Variants in HPSE2 observed in about 807,000 individuals in gnomAD.
HPSE2 encodes the protein heparanase 2 (inactive).
Under a neutral mutation model 60.5 loss-of-function variants are expected in HPSE2, and 38 were observed. That is an observed-to-expected ratio of 0.63 (90% CI 0.48 to 0.82). HPSE2 has a LOEUF of 0.82. HPSE2 is among the 40% of genes least tolerant of loss of function. The pLI is 0.00. For synonymous variants in HPSE2, 295 were observed against 293.2 expected (o/e 1.01, Z -0.06); for missense variants, 713 against 740.4 (o/e 0.96, Z 0.43).
intron 3 of HPSE2, among the ~76,000 whole-genome samples, chr10:98,838,989 G>A (rs949259115): frequency 6.6e-6 from 1 of 152,142 alleles, no homozygotes; most frequent in Non-Finnish European, 1.5e-5. Context: ...AAACCATCTA[G>A]AGAAGTTAAT....
chr10:98,508,128 CACAG>C (rs903018812), intron 9 of HPSE2, among the ~76,000 whole-genome samples: 3 of 152,036 alleles, frequency 2.0e-5, no homozygotes, highest in African/African-American at 4.8e-5. Context: ...CAAAGAGAGA[CACAG>C]ACAGACATTC....
chr10:98,533,647 G>T (rs897289942), intron 9 of HPSE2, among the ~76,000 whole-genome samples: 2 of 152,150 alleles, frequency 1.3e-5, no homozygotes, highest in Admixed American at 1.3e-4. Context: ...GGGGTCAGCT[G>T]AGGAAGACTA....
chr10:99,198,117 A>C (rs1848462531), intron 2 of HPSE2, among the ~76,000 whole-genome samples: 1 of 152,072 alleles, frequency 6.6e-6, no homozygotes, highest in Non-Finnish European at 1.5e-5. Flanking sequence ...ATTTATTACC[A>C]GCTAATAAGA....
At chr10:98,985,104 A>T (rs1435312666) in intron 3 of HPSE2, among the ~76,000 whole-genome samples, 2 of 152,216 alleles carry the variant, frequency 1.3e-5, no homozygotes, top group Non-Finnish European at 2.9e-5. Context: ...CAATCTAGCA[A>T]GGCACGCCAA....
intron 9 of HPSE2, among the ~76,000 whole-genome samples, chr10:98,596,082 G>C (rs916157137): frequency 6.6e-6 from 1 of 152,012 alleles, no homozygotes; most frequent in Non-Finnish European, 1.5e-5. Flanking sequence ...TCCTTTTAAC[G>C]TGCTGTTGAA....
At chr10:99,006,044 G>C (rs906382809) in intron 3 of HPSE2, among the ~76,000 whole-genome samples, 8 of 152,170 alleles carry the variant, frequency 5.3e-5, no homozygotes, top group African/African-American at 1.4e-4. Flanking sequence ...CTAGGTCACA[G>C]AGGGTAGGCC....
At chr10:98,860,423 T>C (rs1160793220) in intron 3 of HPSE2, among the ~76,000 whole-genome samples, 1 of 152,164 alleles carries the variant, frequency 6.6e-6, no homozygotes, top group Admixed American at 6.6e-5. Context: ...CAGTTTGGAA[T>C]ACCTCTCCCC....
chr10:98,743,827 C>A (rs1949560054), intron 4 of HPSE2, 56 bp downstream of exon 4: 1 of 1,509,280 alleles, frequency 6.6e-7, no homozygotes, highest in Non-Finnish European at 9.2e-7. Context: ...TATCACAAGC[C>A]AACTTATTTT....
chr10:98,695,515 T>G (rs925493867), intron 5 of HPSE2, among the ~76,000 whole-genome samples: 2 of 152,140 alleles, frequency 1.3e-5, no homozygotes, highest in African/African-American at 4.8e-5. Context: ...CATTCACATG[T>G]TATTTCTTAT....
rs147067977 is a variant in HPSE2 at position 98,651,604 on chromosome 10, T to C, written c.1005-9664A>G. On this transcript the variant is annotated intron_variant, in intron 6 of 11. Transcript: ENST00000370552. Reference sequence around the variant, plus strand: ...CCTCCAATCTCCTACAAATTCACTTTGGTTATCTAACCAAAAAGAGTCTGA... The same window carrying C: ...CCTCCAATCTCCTACAAATTCACTTCGGTTATCTAACCAAAAAGAGTCTGA... Among the ~76,000 whole-genome samples, 271 of 152,258 alleles carry C rather than the reference T, an allele frequency of 1.8e-3. 3 individuals are homozygous for C. The highest frequency in any genetic ancestry group is 6.4e-3 in the African/African-American group (266 of 41,550).
intron 11 of HPSE2, 46 bp from the exon 12 acceptor site, chr10:98,459,785 G>A (rs1940205305): frequency 1.3e-6 from 2 of 1,564,230 alleles, no homozygotes; most frequent in Non-Finnish European, 8.7e-7. Context: ...GCATTATAAG[G>A]GAGCCACTGC....
At chr10:99,096,356 G>C (rs1168449223) in intron 3 of HPSE2, among the ~76,000 whole-genome samples, 1 of 152,140 alleles carries the variant, frequency 6.6e-6, no homozygotes, top group Non-Finnish European at 1.5e-5. Context: ...TCAATACCAT[G>C]TACTGGGCAC....
intron 3 of HPSE2, among the ~76,000 whole-genome samples, chr10:98,886,409 A>T (rs1003143208): frequency 2.4e-4 from 37 of 152,144 alleles, no homozygotes; most frequent in African/African-American, 8.7e-4. Context: ...GTTCACAAAA[A>T]TTTACAGTGC....
chr10:99,256,304 G>C, the HPSE2 span, among the ~76,000 whole-genome samples: 3 of 147,946 alleles, frequency 2.0e-5, no homozygotes, highest in Non-Finnish European at 4.5e-5. Flanking sequence ...TTATAAAAAG[G>C]CTTGAGCCTG....
rs191174366 is a variant in HPSE2, at chr10:98,466,597, T to C, written c.1614-6858A>G. On this transcript the variant is annotated intron_variant, in intron 11 of 11. Coordinates refer to ENST00000370552, the MANE Select transcript of HPSE2 (RefSeq NM_021828.5). Reference sequence around the variant, plus strand: ...CTGCACTCCAGCATAGGTGACAGAGTGAGACTCCGTCTCAAAAAAAAAAAA... The same window carrying C: ...CTGCACTCCAGCATAGGTGACAGAGCGAGACTCCGTCTCAAAAAAAAAAAA... Among the ~76,000 whole-genome samples, 296 of 139,878 alleles carry C rather than the reference T, an allele frequency of 2.1e-3. 1 individual carries two copies. The highest frequency in any genetic ancestry group is 7.2e-3 in the African/African-American group (259 of 36,108). The allele number at this position is 139,878 out of a possible 152,430, so 91.8% of individuals were successfully genotyped here. A position where few individuals can be genotyped will look rare whatever the true frequency, so the allele number is the denominator to read the frequency against.
At chr10:99,137,820 C>T (rs765699505) in intron 3 of HPSE2, among the ~76,000 whole-genome samples, 22 of 152,278 alleles carry the variant, frequency 1.4e-4, no homozygotes, top group Middle Eastern at 3.4e-3. Flanking sequence ...CCATTCAGGA[C>T]GTAGGCATGG....
At chr10:98,896,203 G>C (rs1953488704) in intron 3 of HPSE2, among the ~76,000 whole-genome samples, 1 of 151,832 alleles carries the variant, frequency 6.6e-6, no homozygotes, top group African/African-American at 2.4e-5. Flanking sequence ...GCCTACAGTT[G>C]ATCCTAGTAT....
At chr10:99,157,444 G>A (rs1404613210) in intron 2 of HPSE2, among the ~76,000 whole-genome samples, 5 of 93,808 alleles carry the variant, frequency 5.3e-5, no homozygotes, top group African/African-American at 1.5e-4. Flanking sequence ...CAGAAATAAC[G>A]CCACATATCT....
chr10:98,544,866 C>G (rs1190598253), intron 9 of HPSE2, among the ~76,000 whole-genome samples: 1 of 151,942 alleles, frequency 6.6e-6, no homozygotes, highest in Non-Finnish European at 1.5e-5. Flanking sequence ...AATCCAGGAG[C>G]TGGTTTTTTG....
Sources: allele counts gnomAD v4.1 joint callset (sites outside exome capture counted in the v4.1 genomes callset), GRCh38; gene constraint gnomAD v4.1.1; transcripts MANE v1.5; gene names NCBI Gene and HGNC (gene_info 2026-07-23, HGNC 2026-07-21).